Variants in RALYL observed in about 807,000 individuals in gnomAD.
RALYL encodes the protein RNA-binding Raly-like protein.
RALYL carries 29 observed loss-of-function variants against 35.1 expected under a neutral mutation model. The observed-to-expected ratio is 0.83, with a 90% CI of 0.61 to 1.13. The LOEUF (loss-of-function observed/expected upper bound fraction) is 1.13, where lower values mean the gene tolerates loss of function less well. Ranked by LOEUF, RALYL falls within the 50% of genes most tolerant of loss-of-function variation. The pLI is 0.00. For synonymous variants in RALYL, 120 were observed against 127.6 expected (o/e 0.94, Z 0.40); for missense variants, 359 against 360.4 (o/e 1.00, Z 0.03).
At chr8:84,785,718 A>G (rs1819283901) in intron 3 of RALYL, among the ~76,000 whole-genome samples, 1 of 152,184 alleles carries the variant, frequency 6.6e-6, no homozygotes, top group Admixed American at 6.5e-5. Flanking sequence ...AATAGTGAGT[A>G]ATCTGATCCA....
intron 4 of RALYL, among the ~76,000 whole-genome samples, chr8:84,825,809 A>G (rs1453420025): frequency 1.3e-5 from 2 of 152,186 alleles, no homozygotes; most frequent in Non-Finnish European, 2.9e-5. Flanking sequence ...CAGAGGTTGC[A>G]GTGAGTCAAG....
intron 8 of RALYL, among the ~76,000 whole-genome samples, chr8:84,900,655 G>T (rs1203102176): frequency 6.6e-6 from 1 of 151,832 alleles, no homozygotes; most frequent in Non-Finnish European, 1.5e-5. Flanking sequence ...CTCCAGCCTG[G>T]GCAACAAGAG....
chr8:84,623,000 A>G (rs1821901610), intron 2 of RALYL, among the ~76,000 whole-genome samples: 1 of 152,208 alleles, frequency 6.6e-6, no homozygotes, highest in East Asian at 1.9e-4. Flanking sequence ...GGCATTGTGC[A>G]CACCATACTG....
At chr8:84,418,078 G>A (rs80009278) in intron 1 of RALYL, among the ~76,000 whole-genome samples, 4,463 of 152,142 alleles carry the variant, frequency 0.029, 217 homozygotes, top group African/African-American at 0.1. Flanking sequence ...CAACACACAA[G>A]TAATTGACCT....
At chr8:84,294,023 A>G (rs1302778274) in intron 1 of RALYL, among the ~76,000 whole-genome samples, 1 of 152,144 alleles carries the variant, frequency 6.6e-6, no homozygotes, top group African/African-American at 2.4e-5. Context: ...CTTAGAAGGC[A>G]TATTATTTGT....
At chr8:84,546,574 C>T (rs2060374375) in intron 2 of RALYL, among the ~76,000 whole-genome samples, 1 of 152,198 alleles carries the variant, frequency 6.6e-6, no homozygotes, top group Admixed American at 6.5e-5. Flanking sequence ...ATAAATGCCA[C>T]TTGGCTGTGA....
chr8:84,555,012 G>A (rs1219209505), intron 2 of RALYL, among the ~76,000 whole-genome samples: 1 of 152,180 alleles, frequency 6.6e-6, no homozygotes. Context: ...CTGGCACAGT[G>A]GCTCACGCCT....
intron 1 of RALYL, among the ~76,000 whole-genome samples, chr8:84,420,193 C>A (rs564624585): frequency 1.1e-4 from 16 of 152,110 alleles, no homozygotes; most frequent in Admixed American, 9.2e-4. Context: ...TTCTCCACAT[C>A]CTCTCCAGCA....
chr8:84,366,763 C>CAAAA (rs1166208925), intron 1 of RALYL, among the ~76,000 whole-genome samples: 1,507 of 56,552 alleles, frequency 0.027, 167 homozygotes, highest in Middle Eastern at 0.062. Flanking sequence ...ATTTTTGTCT[C>CAAAA]AAAAAAAAAA....
intron 1 of RALYL, among the ~76,000 whole-genome samples, chr8:84,387,713 A>C (rs1469351677): frequency 6.6e-6 from 1 of 150,856 alleles, no homozygotes; most frequent in African/African-American, 2.4e-5. Flanking sequence ...TTTAGCTACC[A>C]CTCAGCTCCA....
intron 2 of RALYL, among the ~76,000 whole-genome samples, chr8:84,626,593 T>C (rs770786325): frequency 1.3e-5 from 2 of 152,202 alleles, no homozygotes; most frequent in Non-Finnish European, 2.9e-5. Flanking sequence ...AGCTTCAGAT[T>C]ATTTAAAATG....
chr8:84,670,344 GT>G (rs1216973082), intron 2 of RALYL, among the ~76,000 whole-genome samples: 1 of 152,062 alleles, frequency 6.6e-6, no homozygotes, highest in Non-Finnish European at 1.5e-5. Flanking sequence ...CACAATACTT[GT>G]ACACAAATTA....
At chr8:84,197,053 T>G (rs1815479632) in intron 1 of RALYL, among the ~76,000 whole-genome samples, 1 of 152,236 alleles carries the variant, frequency 6.6e-6, no homozygotes, top group African/African-American at 2.4e-5. Context: ...ACACCTAATT[T>G]AATGAGAACT....
chr8:84,371,698 C>T (rs1855761176), intron 1 of RALYL, among the ~76,000 whole-genome samples: 1 of 151,872 alleles, frequency 6.6e-6, no homozygotes, highest in South Asian at 2.1e-4. Flanking sequence ...ATATACACAT[C>T]ATTAGAGATG....
At chr8:84,308,431 G>A (rs1295438613) in intron 1 of RALYL, among the ~76,000 whole-genome samples, 1 of 152,046 alleles carries the variant, frequency 6.6e-6, no homozygotes, top group Non-Finnish European at 1.5e-5. Context: ...TTGGATGCTG[G>A]CACTTTCTAG....
At chr8:84,571,652 G>A (rs1347237842) in intron 2 of RALYL, among the ~76,000 whole-genome samples, 2 of 151,476 alleles carry the variant, frequency 1.3e-5, no homozygotes, top group Non-Finnish European at 3.0e-5. Flanking sequence ...TCTTATGCTT[G>A]CTTTGTGTTT....
chr8:84,562,453 T>C (rs1275778680), intron 2 of RALYL, among the ~76,000 whole-genome samples: 1 of 151,966 alleles, frequency 6.6e-6, no homozygotes, highest in Non-Finnish European at 1.5e-5. Context: ...TTCTCCTAAA[T>C]TTGCCAATTT....
At chr8:84,683,207 C>G (rs1029919227) in intron 2 of RALYL, among the ~76,000 whole-genome samples, 1 of 152,122 alleles carries the variant, frequency 6.6e-6, no homozygotes, top group African/African-American at 2.4e-5. Context: ...GTCTGAGAGA[C>G]AGTTTCTTAT....
chr8:84,289,447 C>T (rs1838329307), intron 1 of RALYL, among the ~76,000 whole-genome samples: 1 of 152,180 alleles, frequency 6.6e-6, no homozygotes, highest in South Asian at 2.1e-4. Context: ...ATGCTTATTT[C>T]TCATTATATA....
Sources: gnomAD v4.1 joint callset for allele counts (sites outside exome capture counted in the v4.1 genomes callset) on GRCh38, gnomAD v4.1.1 for gene constraint, MANE v1.5 for transcripts, NCBI Gene and HGNC (gene_info 2026-07-23, HGNC 2026-07-21) for gene names.